Variants in COX10 observed in about 807,000 individuals in gnomAD.
COX10 encodes the protein cytochrome c oxidase assembly factor heme A:farnesyltransferase COX10.
A neutral mutation model predicts 37.3 loss-of-function variants in COX10; 27 were observed. That is an observed-to-expected ratio of 0.72 (90% CI 0.53 to 1.00). COX10 has a LOEUF of 1.00. Ranked by LOEUF, COX10 falls within the 50% of genes least tolerant of loss-of-function variation. COX10 has a pLI of 0.00. For missense variants in COX10, 475 were observed against 563.2 expected (o/e 0.84, Z 1.59); for synonymous variants, 222 against 229.1 (o/e 0.97, Z 0.28).
chr17:14,081,259 C>A (rs1369193171), intron 3 of COX10, among the ~76,000 whole-genome samples: 2 of 152,056 alleles, frequency 1.3e-5, no homozygotes, highest in Admixed American at 6.6e-5. Context: ...AGAATGATGG[C>A]AGACAAATAG....
chr17:14,085,010 C>G (rs956089942), intron 3 of COX10, among the ~76,000 whole-genome samples: 1 of 152,132 alleles, frequency 6.6e-6, no homozygotes, highest in African/African-American at 2.4e-5. Context: ...TGTTCATAGT[C>G]TGTGTTTTAA....
chr17:14,073,052 C>T (rs933365850), intron 1 of COX10, among the ~76,000 whole-genome samples: 2 of 152,002 alleles, frequency 1.3e-5, no homozygotes, highest in Admixed American at 6.6e-5. Context: ...AATTGTGAAA[C>T]GTGTGGTGTT....
chr17:14,148,522 CT>C (rs1179242043), intron 4 of COX10, among the ~76,000 whole-genome samples: 9 of 152,126 alleles, frequency 5.9e-5, no homozygotes, highest in African/African-American at 2.2e-4. Flanking sequence ...ATGACAAACA[CT>C]TGTTGACAGC....
rs1916291356 is a variant in COX10 at position 14,124,391 on chromosome 17, C to G, written c.624+22149C>G. Among the ~76,000 whole-genome samples, 3 of 152,032 alleles carry G rather than the reference C, an allele frequency of 2.0e-5. No individual in the cohort carries two copies. In the South Asian group the frequency reaches 6.2e-4, roughly 31 times the overall value. ...AAGCATATTACACAGTAAGTTTTTTCCTAATTTCCATTCGCATAAAGTTAA... is the reference window on the plus strand; with the variant it reads ...AAGCATATTACACAGTAAGTTTTTTGCTAATTTCCATTCGCATAAAGTTAA... On this transcript the variant is annotated intron_variant, in intron 4 of 6. Coordinates refer to ENST00000261643, the MANE Select transcript of COX10 (RefSeq NM_001303.4).
chr17:14,166,037 G>A (rs1458610641), intron 5 of COX10, among the ~76,000 whole-genome samples: 1 of 152,206 alleles, frequency 6.6e-6, no homozygotes, highest in African/African-American at 2.4e-5. Flanking sequence ...AAAAGAAGCT[G>A]TCTTCAAAAC....
chr17:14,102,114 G>T lies in COX10; in HGVS notation c.500-4G>T. The T allele has an allele frequency of 6.2e-7, 1 of 1,613,474 alleles. No individual in the cohort carries two copies. The highest frequency in any genetic ancestry group is 8.5e-7 in the Non-Finnish European group (1 of 1,179,618). On this transcript the variant is annotated splice_region_variant and splice_polypyrimidine_tract_variant and intron_variant, in intron 3 of 6. Coordinates refer to ENST00000261643, the MANE Select transcript of COX10 (RefSeq NM_001303.4). ...AGTGTGTCTGCTCTGTTTCTGTATC[G>T]CAGCTCTGGTTGTAAGTACCACTGC...
At chr17:14,143,822 T>G (rs983874394) in intron 4 of COX10, among the ~76,000 whole-genome samples, 2 of 152,178 alleles carry the variant, frequency 1.3e-5, no homozygotes, top group Non-Finnish European at 2.9e-5. Flanking sequence ...GGTTTCCCCC[T>G]TTCTGTTTCC....
intron 5 of COX10, among the ~76,000 whole-genome samples, chr17:14,189,054 C>T (rs968851393): frequency 6.8e-6 from 1 of 147,184 alleles, no homozygotes; most frequent in Non-Finnish European, 1.5e-5. Context: ...CCATGTTTCA[C>T]CTCCTGTTAT....
intron 5 of COX10, among the ~76,000 whole-genome samples, chr17:14,166,785 C>CTTTCTTTT (rs1905299526): frequency 1.0e-5 from 1 of 100,258 alleles, no homozygotes; most frequent in Non-Finnish European, 1.9e-5. Context: ...CTATTTCTTT[C>CTTTCTTTT]TTTTTTTTTT....
chr17:14,090,268 A>G (rs1915496646), intron 3 of COX10, among the ~76,000 whole-genome samples: 1 of 152,026 alleles, frequency 6.6e-6, no homozygotes, highest in African/African-American at 2.4e-5. Context: ...TTTTACTTCA[A>G]AGCAAAGCAT....
At chr17:14,192,310 A>G in intron 6 of COX10, 89 bp downstream of exon 6, 2 of 1,613,828 alleles carry the variant, frequency 1.2e-6, no homozygotes, top group Non-Finnish European at 1.7e-6. Flanking sequence ...GTTCGATTCC[A>G]TTCCATCCCA....
intron 3 of COX10, among the ~76,000 whole-genome samples, chr17:14,091,974 C>G (rs1915539109): frequency 6.6e-6 from 1 of 152,056 alleles, no homozygotes; most frequent in Non-Finnish European, 1.5e-5. Context: ...AGTTTATAGG[C>G]ACCAGTTTTA....
chr17:14,163,693 A>G (rs1273218406), intron 5 of COX10, among the ~76,000 whole-genome samples: 1 of 152,224 alleles, frequency 6.6e-6, no homozygotes, highest in East Asian at 1.9e-4. Flanking sequence ...AAAAGCAGCT[A>G]TTCATCGTGA....
At chr17:14,119,698 C>T (rs964975467) in intron 4 of COX10, among the ~76,000 whole-genome samples, 17 of 152,058 alleles carry the variant, frequency 1.1e-4, no homozygotes, top group Middle Eastern at 3.4e-3. Context: ...ATAAGATGTG[C>T]GCAAGCCCAA....
chr17:14,141,955 A>G (rs1904557657), intron 4 of COX10, among the ~76,000 whole-genome samples: 1 of 152,174 alleles, frequency 6.6e-6, no homozygotes, highest in Non-Finnish European at 1.5e-5. Flanking sequence ...CTGATTGGAA[A>G]TGTACTCACA....
intron 3 of COX10, among the ~76,000 whole-genome samples, chr17:14,100,930 A>G (rs998615600): frequency 6.6e-6 from 1 of 152,132 alleles, no homozygotes; most frequent in Non-Finnish European, 1.5e-5. Flanking sequence ...CCTATGCACC[A>G]TAAGATGTTA....
chr17:14,159,965 AGT>A lies in COX10; in HGVS notation c.695+21_695+22del. On this transcript the variant is annotated intron_variant, in intron 5 of 6. Transcript: ENST00000261643. ...CAGATCAGGTAAAATCACGAATACA[AGT>A]GTCTTCCACATTATAAAACATTCAT... 1 of 1,599,858 alleles carries A rather than the reference AGT, an allele frequency of 6.3e-7. No homozygotes were observed.
At chr17:14,194,377 T>G (rs375936435) in intron 6 of COX10, among the ~76,000 whole-genome samples, 1 of 152,222 alleles carries the variant, frequency 6.6e-6, no homozygotes, top group Non-Finnish European at 1.5e-5. Context: ...GAGCCCTTAT[T>G]TGTTTAAGGA....
At chr17:14,197,900 T>C (rs1328946887) in intron 6 of COX10, among the ~76,000 whole-genome samples, 1 of 152,346 alleles carries the variant, frequency 6.6e-6, no homozygotes, top group Non-Finnish European at 1.5e-5. Flanking sequence ...AAGGTAATCA[T>C]TATAATGGGA....
Sources: gnomAD v4.1 joint callset for allele counts (sites outside exome capture counted in the v4.1 genomes callset) on GRCh38, gnomAD v4.1.1 for gene constraint, MANE v1.5 for transcripts, NCBI Gene and HGNC (gene_info 2026-07-23, HGNC 2026-07-21) for gene names.